SMAD6: variants seen among roughly 807,000 people sequenced by gnomAD.
The protein encoded by SMAD6 is MAD homolog 6.
SMAD6 carries 103 observed loss-of-function variants against 39.4 expected under a neutral mutation model. The ratio of observed to expected loss-of-function variants is 2.62; its 90% confidence interval spans 2.23 to 3.08. The LOEUF is 3.08. Among genes scored for constraint, SMAD6 ranks in the 30% most tolerant of loss-of-function variants. The pLI, the probability that SMAD6 is intolerant of heterozygous loss-of-function variation, is 0.00. For missense variants in SMAD6, 1,104 were observed against 742.9 expected, an observed-to-expected ratio of 1.49 and a Z score of -5.65; for synonymous variants, 445 against 353.3, an observed-to-expected ratio of 1.26 and a Z score of -2.91.
chr15:66,761,917 T>C lies in SMAD6; in HGVS notation c.953-19080T>C, dbSNP rs551741405. Among the ~76,000 whole-genome samples the C allele has an allele frequency of 2.4e-3, 367 of 152,232 alleles. 3 individuals are homozygous for C. The highest frequency in any genetic ancestry group is 8.5e-3 in the African/African-American group (352 of 41,536). Reference sequence around the variant, plus strand: ...ACCCCATGACATTCACATGGCCCACTGGGGTGGTGTGTGGATTCCCCAGAC... The same window carrying C: ...ACCCCATGACATTCACATGGCCCACCGGGGTGGTGTGTGGATTCCCCAGAC... On this transcript the variant is annotated intron_variant, in intron 3 of 3. Transcript: ENST00000288840.
chr15:66,704,439 T>C (rs1893064348), intron 1 of SMAD6: 1 of 188,528 alleles, frequency 5.3e-6, no homozygotes, highest in African/African-American at 2.3e-5. Flanking sequence ...AATTCCGGAA[T>C]CTACCCCAGT....
rs895807901 is a variant in SMAD6 at position 66,782,016 on chromosome 15, A to G, written c.*481A>G. On this transcript the variant is annotated 3_prime_UTR_variant, in exon 4 of 4. Transcript: ENST00000288840. ...TTTTTTTAAACTGTCTTCTTTTTAC[A>G]AAGAGGGGCAGGTAGGGCTTCAGCG... The G allele has an allele frequency of 2.5e-6, 1 of 398,798 alleles. No homozygotes were observed. Among genetic ancestry groups the G allele is most frequent in the Non-Finnish European group, 4.4e-6 (1 of 226,016 alleles). 24.7% of individuals were successfully genotyped at this position (398,798 alleles called of 1,614,324 possible).
chr15:66,704,414 A>G (rs560430157), intron 1 of SMAD6: 20 of 221,490 alleles, frequency 9.0e-5, no homozygotes, highest in Non-Finnish European at 1.5e-4. Flanking sequence ...AGTAGGTGCT[A>G]TTTCCTCCTA....
rs1328811574 is a variant in SMAD6, at chr15:66,781,202, G to T, written c.1158G>T (p.Lys386Asn). ...RSESVRRTRS[K>N]IGFGILLSKE... is the part of the protein sequence containing the mutation. ...AGTCGGTGCGGCGAACGCGCAGCAAGATCGGCTTCGGCATCCTGCTCAGCA... is the reference window on the plus strand; with the variant it reads ...AGTCGGTGCGGCGAACGCGCAGCAATATCGGCTTCGGCATCCTGCTCAGCA... Residue 386 changes from lysine to asparagine, a missense_variant, in exon 4 of 4, where the codon AAG (lysine) becomes AAT (asparagine). Lys to Asn is a moderately conservative substitution (Grantham distance 94). Coordinates refer to ENST00000288840, the MANE Select transcript of SMAD6 (RefSeq NM_005585.5). 1.9e-6 allele frequency: 3 copies of T among 1,608,318 alleles called. No individual in the cohort carries two copies. The highest frequency in any genetic ancestry group is 1.7e-6 in the Non-Finnish European group (2 of 1,179,742).
intron 1 of SMAD6, chr15:66,704,376 G>A (rs1567092277): frequency 3.5e-6 from 1 of 287,038 alleles, no homozygotes; most frequent in Non-Finnish European, 6.4e-6. Context: ...CAGTGAAAGG[G>A]GAGGGCAGGC....
intron 3 of SMAD6, among the ~76,000 whole-genome samples, chr15:66,744,393 G>C (rs766271265): frequency 3.1e-4 from 47 of 152,162 alleles, no homozygotes; most frequent in African/African-American, 1.4e-4. Context: ...GTGCCTCAAG[G>C]GGGAAGATAA....
At chr15:66,775,183 G>A (rs1206029546) in intron 3 of SMAD6, among the ~76,000 whole-genome samples, 2 of 152,038 alleles carry the variant, frequency 1.3e-5, no homozygotes, top group African/African-American at 2.4e-5. Context: ...TTACGTCGCC[G>A]TAGATTAGTT....
intron 2 of SMAD6, among the ~76,000 whole-genome samples, chr15:66,713,598 G>C (rs987824087): frequency 6.6e-6 from 1 of 152,222 alleles, no homozygotes. Flanking sequence ...GATTACAGGC[G>C]TGAGCCACTG....
chr15:66,782,267 C>T lies in SMAD6; in HGVS notation c.*732C>T, dbSNP rs1894592187. The T allele has an allele frequency of 4.8e-6, 1 of 207,638 alleles. No individual in the cohort carries two copies. The highest frequency in any genetic ancestry group is 2.3e-5 in the African/African-American group (1 of 43,796). The allele number at this position is 207,638 out of a possible 1,614,324, so 12.9% of individuals were successfully genotyped here. A position where few individuals can be genotyped will look rare whatever the true frequency, so the allele number is the denominator to read the frequency against. Reference sequence around the variant, plus strand: ...GGCCATTTATCCTGGACAAGCTCTTCCAGTCTGATGGAGGAGGTTCATGCC... The same window carrying T: ...GGCCATTTATCCTGGACAAGCTCTTTCAGTCTGATGGAGGAGGTTCATGCC... On this transcript the variant is annotated 3_prime_UTR_variant, in exon 4 of 4. Transcript: ENST00000288840.
chr15:66,756,697 A>G (rs1471612928), intron 3 of SMAD6, among the ~76,000 whole-genome samples: 1 of 151,008 alleles, frequency 6.6e-6, no homozygotes. Context: ...AAGGGACACC[A>G]GAGTTTCCGA....
chr15:66,716,598 T>C, intron 3 of SMAD6, 100 bp downstream of exon 3: 1 of 881,008 alleles, frequency 1.1e-6, no homozygotes, highest in Non-Finnish European at 1.9e-6. Context: ...TCCCCTCTTC[T>C]TTTTGTTTCC....
At chr15:66,750,262 C>T (rs1268528400) in intron 3 of SMAD6, among the ~76,000 whole-genome samples, 1 of 152,114 alleles carries the variant, frequency 6.6e-6, no homozygotes, top group Non-Finnish European at 1.5e-5. Context: ...GTACCAAACC[C>T]CTCTTTCTTT....
chr15:66,712,414 C>G (rs1363523219), intron 2 of SMAD6, among the ~76,000 whole-genome samples: 1 of 152,164 alleles, frequency 6.6e-6, no homozygotes, highest in Non-Finnish European at 1.5e-5. Flanking sequence ...ATTGTTGGCT[C>G]ACGCCTGTAA....
chr15:66,760,496 G>T (rs1191731824), intron 3 of SMAD6, among the ~76,000 whole-genome samples: 1 of 152,224 alleles, frequency 6.6e-6, no homozygotes, highest in East Asian at 1.9e-4. Context: ...GGGCTCGAAG[G>T]ACTCGTCAGT....
intron 3 of SMAD6, among the ~76,000 whole-genome samples, chr15:66,738,716 C>T (rs1025777850): frequency 6.6e-6 from 1 of 152,042 alleles, no homozygotes; most frequent in African/African-American, 2.4e-5. Context: ...CCCCTCCAAG[C>T]GACAGGGTGG....
intron 3 of SMAD6, among the ~76,000 whole-genome samples, chr15:66,750,809 G>A (rs778346519): frequency 7.2e-5 from 11 of 152,152 alleles, no homozygotes; most frequent in Non-Finnish European, 1.2e-4. Context: ...GAGGGAGCTG[G>A]GATATTAATC....
chr15:66,711,610 G>T, intron 1 of SMAD6, 58 bp from the exon 2 acceptor site: 1 of 1,297,498 alleles, frequency 7.7e-7, no homozygotes, highest in South Asian at 1.2e-5. Context: ...AAAGCATGTA[G>T]AACCTGAGGT....
intron 1 of SMAD6, chr15:66,708,010 C>G (rs1251944538): frequency 6.6e-6 from 1 of 152,324 alleles, no homozygotes; most frequent in Non-Finnish European, 1.5e-5. Flanking sequence ...AGAGGCATGC[C>G]TGGGCTGAGC....
At chr15:66,755,736 GTCC>G (rs542413480) in intron 3 of SMAD6, among the ~76,000 whole-genome samples, 8 of 152,224 alleles carry the variant, frequency 5.3e-5, no homozygotes, top group Admixed American at 1.3e-4. Context: ...GGGCTTTCCT[GTCC>G]TCCTCTCCAC....
Sources: gnomAD v4.1 joint callset for allele counts (sites outside exome capture counted in the v4.1 genomes callset) on GRCh38, gnomAD v4.1.1 for gene constraint, MANE v1.5 for transcripts, NCBI Gene and HGNC (gene_info 2026-07-23, HGNC 2026-07-21) for gene names.